The following ADAM2 variants were observed in gnomAD, a reference collection of about 807,000 sequenced individuals.
The protein encoded by ADAM2 is disintegrin and metalloproteinase domain-containing protein 2.
In ADAM2, 101 loss-of-function variants were observed where a neutral mutation model predicts 99.3. The observed-to-expected ratio is 1.02, with a 90% CI of 0.87 to 1.20. The LOEUF (loss-of-function observed/expected upper bound fraction) is 1.20. Among genes scored for constraint, ADAM2 ranks in the 50% most tolerant of loss-of-function variants. The pLI is 0.00. For synonymous variants in ADAM2, 323 were observed against 287.6 expected (o/e 1.12, Z -1.25); for missense variants, 948 against 878.7 (o/e 1.08, Z -1.00).
chr8:39,827,055 A>T (rs1437262808), intron 3 of ADAM2, among the ~76,000 whole-genome samples: 1 of 152,152 alleles, frequency 6.6e-6, no homozygotes. Flanking sequence ...CAGAAAAAAA[A>T]AATTGAAAAT....
chr8:39,836,809 C>T (rs751867344), intron 2 of ADAM2, among the ~76,000 whole-genome samples: 10 of 152,090 alleles, frequency 6.6e-5, no homozygotes, highest in African/African-American at 2.4e-4. Context: ...GCAACAATGA[C>T]AAAAAATTCC....
intron 10 of ADAM2, among the ~76,000 whole-genome samples, chr8:39,782,034 C>T (rs1317633496): frequency 6.6e-6 from 1 of 152,152 alleles, no homozygotes; most frequent in Non-Finnish European, 1.5e-5. Context: ...CTGATTCTGT[C>T]CCCTATTTTA....
At position 39,749,668 on chromosome 8, in the gene ADAM2, C is replaced by A. The variant is rs768126560; in HGVS notation, c.1874G>T (p.Gly625Val). Residue 625 changes from glycine (G) to valine (V), a missense_variant and splice_region_variant, in exon 17 of 21, where the codon GGT becomes GTT. By Grantham distance (109) the Gly-to-Val change is moderately radical (BLOSUM62 -3). Coordinates refer to ENST00000265708, the MANE Select transcript of ADAM2 (RefSeq NM_001464.5). Reference protein sequence around the residue: ...DCTTDKCNDRGVCNNKKHCHC... With the variant: ...DCTTDKCNDRVVCNNKKHCHC... ...TCACCTCATAGTACTGCTACTTACA[C>A]CTCTATCATTGCATTTGTCAGTAGT... The A allele has an allele frequency of 6.2e-7, 1 of 1,609,200 alleles. No individual in the cohort carries two copies. Among genetic ancestry groups the A allele is most frequent in the Non-Finnish European group, 8.5e-7 (1 of 1,176,794 alleles).
At position 39,766,809 on chromosome 8, in the gene ADAM2, A is replaced by G. The variant is rs764830662; in HGVS notation, c.1507+39T>C. On this transcript the variant is annotated intron_variant, in intron 14 of 20. Coordinates refer to ENST00000265708, the MANE Select transcript of ADAM2 (RefSeq NM_001464.5). ...CATCTATTTCTGTTCAGTTTCCAGA[A>G]AAAAACGCATATATGAGAAATCAAA... 3.9e-5 allele frequency: 56 copies of G among 1,446,720 alleles called. No individual in the cohort carries two copies. In the East Asian group the frequency reaches 5.8e-4, roughly 15 times the overall value. The allele number at this position is 1,446,720 out of a possible 1,614,324, so 89.6% of individuals were successfully genotyped here.
intron 6 of ADAM2, among the ~76,000 whole-genome samples, chr8:39,820,179 C>T (rs569746088): frequency 6.6e-6 from 1 of 152,080 alleles, no homozygotes; most frequent in African/African-American, 2.4e-5. Flanking sequence ...TTGGCTGCTC[C>T]TAATGTTGCT....
In ADAM2 at chr8:39,794,283, T is replaced by C. The variant is rs190566427; in HGVS notation, c.571-5543A>G. ...ATATATGTTAAGGATCTCTAGTTAA[T>C]TGACTTGAAGAAAATAAGTGTTTAT... On this transcript the variant is annotated intron_variant, in intron 7 of 20. Coordinates refer to ENST00000265708, the MANE Select transcript of ADAM2 (RefSeq NM_001464.5). 3.0e-3 allele frequency among the ~76,000 whole-genome samples: 453 copies of C among 152,308 alleles called. 1 individual carries two copies. The highest frequency in any genetic ancestry group is 0.017 in the Middle Eastern group (5 of 294).
intron 10 of ADAM2, among the ~76,000 whole-genome samples, chr8:39,785,449 C>T (rs569892576): frequency 2.8e-4 from 43 of 152,300 alleles, no homozygotes; most frequent in Admixed American, 9.2e-4. Flanking sequence ...CTGTGGAAAG[C>T]AGTTTGGAGA....
intron 7 of ADAM2, among the ~76,000 whole-genome samples, chr8:39,798,775 T>C (rs1804082115): frequency 6.6e-6 from 1 of 152,196 alleles, no homozygotes; most frequent in African/African-American, 2.4e-5. Context: ...TGGTAGGGTG[T>C]ATGCATCCAG....
chr8:39,786,834 A>C, intron 10 of ADAM2, 140 bp downstream of exon 10: 1 of 597,476 alleles, frequency 1.7e-6, no homozygotes, highest in Non-Finnish European at 2.8e-6. Context: ...TACTTCTTAT[A>C]GTTTAAACAT....
chr8:39,822,281 G>A (rs10108837), intron 4 of ADAM2, among the ~76,000 whole-genome samples: 89,143 of 151,876 alleles, frequency 0.59, 26,996 homozygotes, highest in African/African-American at 0.73. Flanking sequence ...CTTCCTTCCA[G>A]ATGTGGTTTA....
chr8:39,756,452 A>G (rs1802156224), intron 15 of ADAM2, among the ~76,000 whole-genome samples: 1 of 152,188 alleles, frequency 6.6e-6, no homozygotes, highest in South Asian at 2.1e-4. Context: ...ACAAACCATA[A>G]GATTTTTATT....
chr8:39,800,142 C>T (rs1030588146), intron 7 of ADAM2, among the ~76,000 whole-genome samples: 7 of 152,024 alleles, frequency 4.6e-5, no homozygotes, highest in South Asian at 2.1e-4. Context: ...AGTTTTGGTG[C>T]GTTTTTGCAG....
At position 39,777,272 on chromosome 8, in the gene ADAM2, C is replaced by T. The variant is rs979193733; in HGVS notation, c.892-111G>A. 24 of 734,856 alleles carry T rather than the reference C, an allele frequency of 3.3e-5. No individual in the cohort carries two copies. The African/African-American group carries it at 4.4e-4, about 13-fold the overall frequency. The allele number at this position is 734,856 out of a possible 1,614,324, so 45.5% of individuals were successfully genotyped here. On this transcript the variant is annotated intron_variant, in intron 10 of 20. Coordinates refer to ENST00000265708, the MANE Select transcript of ADAM2 (RefSeq NM_001464.5). The stretch of plus-strand genomic sequence containing the variant: ...AAATGGAATAGGGGCATCTGTTATC[C>T]CAAAAGTGCCATCCTTGTTGGTCTA...
At chr8:39,774,906 G>C (rs1280581516) in intron 11 of ADAM2, among the ~76,000 whole-genome samples, 1 of 152,016 alleles carries the variant, frequency 6.6e-6, no homozygotes, top group East Asian at 1.9e-4. Flanking sequence ...GTTTAGATTG[G>C]CCAGGAGAAA....
chr8:39,802,435 C>A (rs533892435), intron 7 of ADAM2, among the ~76,000 whole-genome samples: 12 of 152,300 alleles, frequency 7.9e-5, no homozygotes, highest in African/African-American at 2.9e-4. Context: ...TTGGCCCCCC[C>A]ACCTCATTAT....
At chr8:39,760,450 G>A (rs57318134) in intron 15 of ADAM2, among the ~76,000 whole-genome samples, 256 of 152,294 alleles carry the variant, frequency 1.7e-3, no homozygotes, top group African/African-American at 5.8e-3. Context: ...GGCCAGGCGC[G>A]GTGGCTCACG....
chr8:39,783,907 C>T (rs1417823619), intron 10 of ADAM2, among the ~76,000 whole-genome samples: 1 of 151,814 alleles, frequency 6.6e-6, no homozygotes, highest in East Asian at 1.9e-4. Context: ...ATCGCGCCAC[C>T]CCATTCCAGC....
At chr8:39,784,226 C>T (rs1803359565) in intron 10 of ADAM2, among the ~76,000 whole-genome samples, 1 of 152,080 alleles carries the variant, frequency 6.6e-6, no homozygotes, top group Admixed American at 6.6e-5. Context: ...AAAGGGCAGG[C>T]AAAATAACTG....
At chr8:39,793,624 T>C (rs1344821065) in intron 7 of ADAM2, among the ~76,000 whole-genome samples, 3 of 152,234 alleles carry the variant, frequency 2.0e-5, no homozygotes, top group Middle Eastern at 3.4e-3. Flanking sequence ...CAAAGTCTTT[T>C]GCATAAGAGT....
Sources: gnomAD v4.1 joint callset for allele counts (sites outside exome capture counted in the v4.1 genomes callset) on GRCh38, gnomAD v4.1.1 for gene constraint, MANE v1.5 for transcripts, NCBI Gene and HGNC (gene_info 2026-07-23, HGNC 2026-07-21) for gene names.